MICU2: variants seen among roughly 807,000 people sequenced by gnomAD.
MICU2 encodes the protein calcium uptake protein 2, mitochondrial.
Under a neutral mutation model 60.4 loss-of-function variants are expected in MICU2, and 64 were observed. The ratio of observed to expected loss-of-function variants is 1.06; its 90% CI spans 0.87 to 1.31. The LOEUF (loss-of-function observed/expected upper bound fraction) is 1.31. Among genes scored for constraint, MICU2 ranks in the 50% most tolerant of loss-of-function variants. The pLI, the probability that MICU2 is intolerant of heterozygous loss-of-function variation, is 0.00. For missense variants in MICU2, 569 were observed against 531.0 expected (o/e 1.07, Z -0.70); for synonymous variants, 201 against 175.0 (o/e 1.15, Z -1.17).
At chr13:21,597,754 A>AC (rs1275212197) in intron 1 of MICU2, among the ~76,000 whole-genome samples, 1 of 151,790 alleles carries the variant, frequency 6.6e-6, no homozygotes, top group Admixed American at 6.6e-5. Flanking sequence ...ACACGGTGAA[A>AC]CCCCGTCTCT....
intron 8 of MICU2, among the ~76,000 whole-genome samples, chr13:21,507,849 C>T (rs1383650727): frequency 4.6e-5 from 7 of 151,668 alleles, no homozygotes; most frequent in Admixed American, 2.6e-4. Context: ...GTGATCTGCC[C>T]GCCTTGGCCT....
At chr13:21,583,810 T>A (rs1003989544) in intron 1 of MICU2, among the ~76,000 whole-genome samples, 1 of 152,236 alleles carries the variant, frequency 6.6e-6, no homozygotes, top group African/African-American at 2.4e-5. Context: ...TTGAGCTGGT[T>A]TCTTAACTGG....
intron 4 of MICU2, among the ~76,000 whole-genome samples, chr13:21,524,354 G>A (rs1203144448): frequency 1.3e-5 from 2 of 151,504 alleles, no homozygotes; most frequent in African/African-American, 4.9e-5. Context: ...ACCTCCCACT[G>A]GATTATTTTG....
chr13:21,496,299 TTC>T (rs1170469509), intron 9 of MICU2, 139 bp from the exon 10 acceptor site: 3 of 651,898 alleles, frequency 4.6e-6, no homozygotes, highest in South Asian at 2.0e-5. Flanking sequence ...CTCTGTCCCT[TTC>T]TCTCTGTGTG....
At chr13:21,530,766 C>T (rs760599396) in intron 4 of MICU2, 121 of 614,386 alleles carry the variant, frequency 2.0e-4, no homozygotes, top group Non-Finnish European at 2.8e-4. Flanking sequence ...CAGCCATACC[C>T]ACCACCGCCC....
intron 4 of MICU2, among the ~76,000 whole-genome samples, chr13:21,532,519 G>C (rs1887026891): frequency 6.6e-6 from 1 of 152,136 alleles, no homozygotes; most frequent in Non-Finnish European, 1.5e-5. Context: ...TGACTAGTGA[G>C]CCCCTTCCTT....
At position 21,495,213 on chromosome 13, in the gene MICU2, C is replaced by G; in HGVS notation, c.1148G>C (p.Ser383Thr). Residue 383 changes from serine to threonine, a missense_variant, in exon 11 of 12, where the codon AGT (serine) becomes ACT (threonine). By Grantham distance (58) the Ser-to-Thr change is moderately conservative. Coordinates refer to ENST00000382374, the MANE Select transcript of MICU2 (RefSeq NM_152726.3). Reference protein sequence around the residue: ...IFDLDGDECLSHEEFLGVLKN... With the variant: ...IFDLDGDECLTHEEFLGVLKN... Reference sequence around the variant, plus strand: ...TAACACCCCAAGAAACTCTTCATGACTAAGACATTCATCACCATCCAAATC... The same window carrying G: ...TAACACCCCAAGAAACTCTTCATGAGTAAGACATTCATCACCATCCAAATC... 1 of 1,613,342 alleles carries G rather than the reference C, an allele frequency of 6.2e-7. No individual in the cohort carries two copies. The highest frequency in any genetic ancestry group is 8.5e-7 in the Non-Finnish European group (1 of 1,179,696).
rs754211766 is a variant in MICU2, at chr13:21,539,294, A to C, written c.466+8T>G. 1 of 1,612,512 alleles carries C rather than the reference A, an allele frequency of 6.2e-7. No individual in the cohort carries two copies. Among genetic ancestry groups the C allele is most frequent in the East Asian group, 2.2e-5 (1 of 44,882 alleles). On this transcript the variant is annotated splice_region_variant and intron_variant, in intron 4 of 11. Transcript: ENST00000382374. ...ATAACTAGAAATTTAACAACAAACC[A>C]AAATTACCTTTATCGCCAAGGTCTC...
intron 6 of MICU2, among the ~76,000 whole-genome samples, chr13:21,519,083 T>C (rs1886651702): frequency 6.6e-6 from 1 of 152,182 alleles, no homozygotes; most frequent in Non-Finnish European, 1.5e-5. Flanking sequence ...TTATTTTTAT[T>C]ATTTTTTTTG....
intron 2 of MICU2, among the ~76,000 whole-genome samples, chr13:21,562,541 A>C (rs1488110958): frequency 6.6e-6 from 1 of 152,104 alleles, no homozygotes. Flanking sequence ...AATTCTATTT[A>C]TTAAAAATAT....
chr13:21,574,058 C>T (rs1888172802), intron 1 of MICU2, among the ~76,000 whole-genome samples: 1 of 152,126 alleles, frequency 6.6e-6, no homozygotes, highest in African/African-American at 2.4e-5. Flanking sequence ...AATGGACTGG[C>T]AGGAGAAGCA....
At chr13:21,566,608 A>G (rs757915263) in intron 2 of MICU2, among the ~76,000 whole-genome samples, 189 bp downstream of exon 2, 11 of 152,128 alleles carry the variant, frequency 7.2e-5, no homozygotes, top group Non-Finnish European at 1.5e-4. Flanking sequence ...AGAAACATAC[A>G]TACAAAACAA....
intron 6 of MICU2, among the ~76,000 whole-genome samples, chr13:21,518,316 CT>C (rs1886632483): frequency 6.6e-6 from 1 of 152,128 alleles, no homozygotes; most frequent in Non-Finnish European, 1.5e-5. Flanking sequence ...AACGATATGC[CT>C]TCTATTGCCT....
chr13:21,550,072 T>A (rs1593339420), intron 2 of MICU2, among the ~76,000 whole-genome samples: 1 of 152,218 alleles, frequency 6.6e-6, no homozygotes, highest in East Asian at 1.9e-4. Flanking sequence ...CCAACAATGA[T>A]TGTAAGGTCT....
chr13:21,510,062 G>A lies in MICU2; in HGVS notation c.703C>T (p.Gln235Ter), dbSNP rs1886389883. 1.3e-6 allele frequency: 2 copies of A among 1,530,150 alleles called. No individual in the cohort carries two copies. The highest frequency in any genetic ancestry group is 5.0e-5 in the East Asian group (2 of 40,242). 94.8% of individuals were successfully genotyped at this position (1,530,150 alleles called of 1,614,324 possible). The change falls in exon 8 of 12, where the codon CAG becomes TAG. Residue 235 changes from glutamine (Q) to a stop codon, truncating the protein, a stop_gained. Coordinates refer to ENST00000382374, the MANE Select transcript of MICU2 (RefSeq NM_152726.3). LOFTEE classifies it high-confidence loss of function. Reference protein sequence around the residue: ...VKEPEINTTLQMRFFGKRGQR... With the variant: ...VKEPEINTTL ...CCTCTTTTTCCAAAGAAACGCATCTGAAGAGTTGTGTTAATTTCAGGTTCT... is the reference window on the plus strand; with the variant it reads ...CCTCTTTTTCCAAAGAAACGCATCTAAAGAGTTGTGTTAATTTCAGGTTCT...
At chr13:21,579,633 C>T (rs1029643000) in intron 1 of MICU2, among the ~76,000 whole-genome samples, 17 of 152,142 alleles carry the variant, frequency 1.1e-4, no homozygotes, top group African/African-American at 2.2e-4. Context: ...TGAGCCACCA[C>T]GCCCGACTCA....
intron 1 of MICU2, among the ~76,000 whole-genome samples, chr13:21,577,950 G>A (rs1406896024): frequency 6.6e-6 from 1 of 151,326 alleles, no homozygotes. Flanking sequence ...CTGCACTCCG[G>A]CCTGGGTGAC....
chr13:21,562,570 A>G (rs920722268), intron 2 of MICU2, among the ~76,000 whole-genome samples: 1 of 152,136 alleles, frequency 6.6e-6, no homozygotes, highest in East Asian at 1.9e-4. Flanking sequence ...TAGTTGTCCT[A>G]AAGTTTGCAA....
chr13:21,561,599 A>G (rs1036013394), intron 2 of MICU2, among the ~76,000 whole-genome samples: 5 of 150,210 alleles, frequency 3.3e-5, no homozygotes, highest in Admixed American at 1.3e-4. Flanking sequence ...TCATTCTGAA[A>G]TTTGGTTTAT....
Sources: allele counts gnomAD v4.1 joint callset (sites outside exome capture counted in the v4.1 genomes callset), GRCh38; gene constraint gnomAD v4.1.1; transcripts MANE v1.5; gene names NCBI Gene and HGNC (gene_info 2026-07-23, HGNC 2026-07-21).